ATRX: variants seen among roughly 807,000 people sequenced by gnomAD.
ATRX encodes ATRX chromatin remodeler.
A neutral mutation model predicts 172.6 loss-of-function variants in ATRX; 12 were observed. The observed-to-expected ratio is 0.07, with a 90% CI of 0.04 to 0.11. The LOEUF is 0.11. ATRX is among the 10% of genes least tolerant of loss of function. The probability of loss-of-function intolerance (pLI) is 1.00; values close to 1 mark genes in which losing one functional copy is unlikely to be tolerated. For missense variants in ATRX, 1,368 were observed against 1,767.4 expected, an observed-to-expected ratio of 0.77 and a Z score of 4.05; for synonymous variants, 674 against 594.7, an observed-to-expected ratio of 1.13 and a Z score of -1.94.
chrX:77,727,460 G>A (rs781945590), intron 1 of ATRX, among the ~76,000 whole-genome samples: 33 of 111,483 alleles, frequency 3.0e-4, no homozygotes, highest in African/African-American at 9.8e-4. Context: ...ACTGGATAAA[G>A]AAAATGTGGC....
At chrX:77,637,871 C>T (rs1324115714) in intron 15 of ATRX, among the ~76,000 whole-genome samples, 3 of 87,067 alleles carry the variant, frequency 3.4e-5, no homozygotes, top group East Asian at 4.1e-4. Context: ...AACCTGGCAG[C>T]GGAGGTTGCA....
chrX:77,734,431 T>C (rs1557177762), intron 1 of ATRX, among the ~76,000 whole-genome samples: 1 of 108,012 alleles, frequency 9.3e-6, no homozygotes, highest in Non-Finnish European at 1.9e-5. Context: ...AAAAATAAAA[T>C]AAATAAATAT....
At chrX:77,530,560 G>A (rs925577955) in intron 30 of ATRX, among the ~76,000 whole-genome samples, 2 of 111,614 alleles carry the variant, frequency 1.8e-5, no homozygotes, top group Non-Finnish European at 3.8e-5. Context: ...AGTGAGCTGA[G>A]ATCGTGCCAT....
At chrX:77,643,217 C>T (rs985784285) in intron 15 of ATRX, among the ~76,000 whole-genome samples, 80 of 110,433 alleles carry the variant, frequency 7.2e-4, no homozygotes, top group African/African-American at 2.6e-3. Context: ...CATTTCTTCA[C>T]CTAACTCAGA....
intron 1 of ATRX, among the ~76,000 whole-genome samples, chrX:77,737,055 G>C (rs1211585416): frequency 9.1e-6 from 1 of 109,907 alleles, no homozygotes; most frequent in East Asian, 2.9e-4. Flanking sequence ...AGAAAGAAAA[G>C]AGAAGTGCGA....
intron 33 of ATRX, 55 bp downstream of exon 33, chrX:77,521,348 G>A (rs2063226517): frequency 1.1e-6 from 1 of 942,897 alleles, no homozygotes; most frequent in Non-Finnish European, 1.5e-6. Flanking sequence ...AATGGCAGTA[G>A]GGGGTGGAGG....
intron 1 of ATRX, among the ~76,000 whole-genome samples, chrX:77,728,805 G>A (rs2074169206): frequency 9.6e-6 from 1 of 103,883 alleles, no homozygotes; most frequent in African/African-American, 3.5e-5. Flanking sequence ...TGTCGCCCAG[G>A]CTGGAGTGCA....
chrX:77,590,814 C>T (rs1281926534), intron 26 of ATRX, among the ~76,000 whole-genome samples: 5 of 111,187 alleles, frequency 4.5e-5, no homozygotes, highest in Admixed American at 3.8e-4. Context: ...TTTAGAAGAA[C>T]ACAGAAGAAA....
At chrX:77,743,859 G>C (rs1557183503) in intron 1 of ATRX, among the ~76,000 whole-genome samples, 1 of 111,749 alleles carries the variant, frequency 8.9e-6, no homozygotes, top group African/African-American at 3.3e-5. Flanking sequence ...ACTGCCCCAG[G>C]GCACATGGAT....
At chrX:77,521,562 A>G in intron 32 of ATRX, 64 bp from the exon 33 acceptor site, 1 of 917,207 alleles carries the variant, frequency 1.1e-6, no homozygotes. Context: ...AAGTATAGGG[A>G]ATCCTTCCAT....
At chrX:77,659,179 A>ATACACT (rs1557121184) in intron 12 of ATRX, among the ~76,000 whole-genome samples, 1 of 111,029 alleles carries the variant, frequency 9.0e-6, no homozygotes, top group Non-Finnish European at 1.9e-5. Flanking sequence ...TCACTGAATC[A>ATACACT]TACACTTAAA....
chrX:77,750,520 C>CT (rs1282693158), intron 1 of ATRX, among the ~76,000 whole-genome samples: 22 of 105,718 alleles, frequency 2.1e-4, no homozygotes, highest in Admixed American at 7.1e-4. Context: ...ACTTCCATAT[C>CT]TTTTTTTTTT....
At position 77,507,375 on chromosome X, in the gene ATRX, T is replaced by C. The variant is rs1275485577; in HGVS notation, c.*976A>G. The C allele has an allele frequency of 5.8e-6, 1 of 172,101 alleles. No individual in the cohort carries two copies. Among genetic ancestry groups the C allele is most frequent in the Non-Finnish European group, 1.1e-5 (1 of 90,169 alleles). The allele number at this position is 172,101 out of a possible 1,213,427, so 14.2% of individuals were successfully genotyped here. A position where few individuals can be genotyped will look rare whatever the true frequency, so the allele number is the denominator to read the frequency against. On this transcript the variant is annotated 3_prime_UTR_variant, in exon 35 of 35. Transcript: ENST00000373344. ...CATGTGAACCTAAAGTCAGCAATGG[T>C]TCTGCCATTTTGATGTTGTTTATAA...
intron 19 of ATRX, among the ~76,000 whole-genome samples, chrX:77,621,433 T>G (rs1557099868): frequency 9.0e-6 from 1 of 110,756 alleles, no homozygotes; most frequent in Non-Finnish European, 1.9e-5. Flanking sequence ...CCTCAGCCTA[T>G]CGAGTAGCTG....
intron 28 of ATRX, chrX:77,561,824 T>C (rs2065029225): frequency 9.0e-6 from 1 of 111,570 alleles, no homozygotes; most frequent in South Asian, 3.8e-4. Context: ...ATAACAACAA[T>C]ACATTGTCAA....
intron 28 of ATRX, among the ~76,000 whole-genome samples, chrX:77,566,717 T>G (rs2065211685): frequency 9.0e-6 from 1 of 111,064 alleles, no homozygotes. Context: ...TGCACCACTG[T>G]ATGCCAGCCT....
chrX:77,770,662 G>C (rs782324265), intron 1 of ATRX, among the ~76,000 whole-genome samples: 3 of 112,361 alleles, frequency 2.7e-5, no homozygotes, highest in Non-Finnish European at 5.6e-5. Context: ...GATCAGGACA[G>C]ACAAAGAGAG....
chrX:77,598,162 T>C (rs981200173), intron 25 of ATRX, among the ~76,000 whole-genome samples: 2 of 111,670 alleles, frequency 1.8e-5, no homozygotes, highest in African/African-American at 6.5e-5. Flanking sequence ...GGCCATTATA[T>C]ACTAAGTGAA....
intron 19 of ATRX, among the ~76,000 whole-genome samples, chrX:77,627,612 A>G (rs1557103867): frequency 9.3e-6 from 1 of 107,782 alleles, no homozygotes. Context: ...TGGGTAACAT[A>G]GTGAGATCCT....
Sources: allele counts gnomAD v4.1 joint callset (sites outside exome capture counted in the v4.1 genomes callset), GRCh38; gene constraint gnomAD v4.1.1; transcripts MANE v1.5; gene names NCBI Gene and HGNC (gene_info 2026-07-23, HGNC 2026-07-21).